ZNF90: variants seen among roughly 807,000 people sequenced by gnomAD.
ZNF90 encodes the protein zinc finger protein 90.
ZNF90 carries 11 observed loss-of-function variants against 12.0 expected under a neutral mutation model. The ratio of observed to expected loss-of-function variants is 0.92; its 90% CI spans 0.58 to 1.52. The LOEUF is 1.52. Ranked by LOEUF, ZNF90 falls within the 40% of genes most tolerant of loss-of-function variation. The pLI, the probability that ZNF90 is intolerant of heterozygous loss-of-function variation, is 0.00. For missense variants in ZNF90, 765 were observed against 711.5 expected, an observed-to-expected ratio of 1.08 and a Z score of -0.86; for synonymous variants, 232 against 240.1, an observed-to-expected ratio of 0.97 and a Z score of 0.31.
rs1476910404 is a variant in ZNF90, at chr19:20,102,386, GCT to G, written c.4-1848_4-1847del. Reference sequence around the variant, plus strand: ...TCCCACCACTCTGGCTCTTACCATTGCTCTCTTTAAAATAGCCAATCAGAATT... The same window carrying G: ...TCCCACCACTCTGGCTCTTACCATTGCTCTTTAAAATAGCCAATCAGAATT... On this transcript the variant is annotated intron_variant, in intron 1 of 3. Coordinates refer to ENST00000418063, the MANE Select transcript of ZNF90 (RefSeq NM_007138.2). 3.3e-5 allele frequency among the ~76,000 whole-genome samples: 5 copies of G among 152,134 alleles called. No homozygotes were observed. In the East Asian group the frequency reaches 9.7e-4, roughly 29 times the overall value.
chr19:20,080,860 T>C (rs1056027310), intron 1 of ZNF90, among the ~76,000 whole-genome samples: 6 of 151,850 alleles, frequency 4.0e-5, no homozygotes, highest in Non-Finnish European at 7.4e-5. Context: ...TGTTGGAGAG[T>C]TGTTTGACGT....
Position 20,117,863 on chromosome 19 carries a change from T to G in ZNF90, c.309T>G (p.Tyr103Ter), listed in dbSNP as rs372442900. 6.2e-7 allele frequency: 1 copy of G among 1,609,112 alleles called. No homozygotes were observed. Among genetic ancestry groups the G allele is most frequent in the South Asian group, 1.1e-5 (1 of 90,440 alleles). ...DSFQKVIVTR[Y>*]EKREYGNLEL... ...TCCAAAAAGTGATAGTGACAAGATA[T>G]GAAAAACGTGAATATGGCAATTTAG... is the stretch of plus-strand genomic sequence containing the variant. The change falls in exon 4 of 4, where the codon TAT becomes TAG. Residue 103 changes from tyrosine (Y) to a stop codon, truncating the protein, a stop_gained. Transcript: ENST00000418063. LOFTEE classifies it low-confidence loss of function (END_TRUNC).
chr19:20,109,577 T>C (rs1343412694), intron 3 of ZNF90, among the ~76,000 whole-genome samples: 1 of 152,074 alleles, frequency 6.6e-6, no homozygotes, highest in Non-Finnish European at 1.5e-5. Flanking sequence ...TTTATTAAAG[T>C]GTACATCACA....
intron 1 of ZNF90, among the ~76,000 whole-genome samples, chr19:20,085,323 G>T (rs868960132): frequency 1.4e-5 from 2 of 141,248 alleles, no homozygotes; most frequent in Non-Finnish European, 3.0e-5. Flanking sequence ...GCAGTGGCCC[G>T]ATCTCGGCTC....
At chr19:20,098,044 A>G (rs2088962144) in intron 1 of ZNF90, among the ~76,000 whole-genome samples, 1 of 152,122 alleles carries the variant, frequency 6.6e-6, no homozygotes, top group Admixed American at 6.5e-5. Context: ...ATTTGCTCCC[A>G]GGTTATAATC....
intron 1 of ZNF90, among the ~76,000 whole-genome samples, chr19:20,081,594 C>T (rs2088819722): frequency 6.6e-6 from 1 of 152,210 alleles, no homozygotes; most frequent in Admixed American, 6.5e-5. Flanking sequence ...CCTATTTTCT[C>T]CATCAACCTA....
At chr19:20,096,708 C>T (rs1220341547) in intron 1 of ZNF90, among the ~76,000 whole-genome samples, 4 of 152,160 alleles carry the variant, frequency 2.6e-5, no homozygotes, top group African/African-American at 9.7e-5. Flanking sequence ...TCTTCAGTTA[C>T]TTCAGACCAT....
At chr19:20,091,473 G>T (rs2088902432) in intron 1 of ZNF90, among the ~76,000 whole-genome samples, 1 of 152,214 alleles carries the variant, frequency 6.6e-6, no homozygotes, top group Admixed American at 6.5e-5. Context: ...CATTTGCCTT[G>T]TGTGGGAAGA....
chr19:20,094,566 C>T (rs549476618), intron 1 of ZNF90, among the ~76,000 whole-genome samples: 1 of 152,270 alleles, frequency 6.6e-6, no homozygotes, highest in Admixed American at 6.5e-5. Flanking sequence ...CTAGCTATAC[C>T]TGGGGAATTT....
At chr19:20,102,683 T>C (rs2088999098) in intron 1 of ZNF90, among the ~76,000 whole-genome samples, 1 of 152,232 alleles carries the variant, frequency 6.6e-6, no homozygotes, top group Non-Finnish European at 1.5e-5. Context: ...TGAAAAGATA[T>C]GGATACTCAA....
intron 1 of ZNF90, among the ~76,000 whole-genome samples, chr19:20,096,827 A>G (rs2088951113): frequency 6.6e-6 from 1 of 152,224 alleles, no homozygotes; most frequent in African/African-American, 2.4e-5. Context: ...GCCCCCTGCC[A>G]GAGTGTACAG....
intron 1 of ZNF90, among the ~76,000 whole-genome samples, chr19:20,083,142 C>T (rs550408393): frequency 1.5e-4 from 23 of 152,030 alleles, no homozygotes; most frequent in African/African-American, 5.3e-4. Flanking sequence ...CTAGGGAACT[C>T]AGAGACTGGT....
At chr19:20,104,108 T>C (rs1327414390) in intron 1 of ZNF90, 131 bp from the exon 2 acceptor site, 4 of 1,339,184 alleles carry the variant, frequency 3.0e-6, no homozygotes, top group Admixed American at 2.5e-5. Flanking sequence ...AATTGTTTTA[T>C]TGGATAATTT....
chr19:20,090,343 G>T (rs902457276), intron 1 of ZNF90, among the ~76,000 whole-genome samples: 11 of 152,070 alleles, frequency 7.2e-5, no homozygotes, highest in Admixed American at 3.9e-4. Context: ...GCTCATAAGG[G>T]TTATTACTGT....
chr19:20,114,437 C>T (rs1335090809), intron 3 of ZNF90, among the ~76,000 whole-genome samples: 1 of 152,170 alleles, frequency 6.6e-6, no homozygotes, highest in Non-Finnish European at 1.5e-5. Flanking sequence ...TCAAACACCA[C>T]ATTGTTTTCT....
intron 1 of ZNF90, chr19:20,080,415 C>A: frequency 2.8e-6 from 1 of 356,458 alleles, no homozygotes; most frequent in Non-Finnish European, 5.6e-6. Context: ...TGTGTGGATG[C>A]GGCGGGGGCC....
chr19:20,106,477 C>T (rs557865775), intron 3 of ZNF90, among the ~76,000 whole-genome samples: 17 of 152,154 alleles, frequency 1.1e-4, no homozygotes, highest in South Asian at 8.3e-4. Context: ...TTTTTTGAGA[C>T]GGAGTCTTGC....
At chr19:20,079,841 G>T (rs542275167) in intron 1 of ZNF90, 37 of 373,430 alleles carry the variant, frequency 9.9e-5, no homozygotes, top group African/African-American at 7.8e-4. Context: ...CCCTGTCCCG[G>T]CCCTGAAGCG....
At chr19:20,090,458 C>T (rs535856344) in intron 1 of ZNF90, among the ~76,000 whole-genome samples, 4 of 152,050 alleles carry the variant, frequency 2.6e-5, no homozygotes, top group Admixed American at 1.3e-4. Flanking sequence ...GCTGGCTGTC[C>T]GATGGACACA....
Sources: gnomAD v4.1 joint callset for allele counts (sites outside exome capture counted in the v4.1 genomes callset) on GRCh38, gnomAD v4.1.1 for gene constraint, MANE v1.5 for transcripts, NCBI Gene and HGNC (gene_info 2026-07-23, HGNC 2026-07-21) for gene names.